The following LIPC variants were observed in gnomAD, a reference collection of about 807,000 sequenced individuals.
LIPC encodes lipase C, hepatic type, also known as hepatic triacylglycerol lipase.
Under a neutral mutation model 50.7 loss-of-function variants are expected in LIPC, and 44 were observed. The observed-to-expected ratio is 0.87, with a 90% CI of 0.68 to 1.11. The LOEUF (loss-of-function observed/expected upper bound fraction) is 1.11. Among genes scored for constraint, LIPC ranks in the 50% most tolerant of loss-of-function variants. LIPC has a pLI of 0.00. For missense variants in LIPC, 697 were observed against 648.2 expected (o/e 1.08, Z -0.82); for synonymous variants, 271 against 256.4 (o/e 1.06, Z -0.54).
chr15:58,514,180 G>A (rs1418523952), intron 1 of LIPC, among the ~76,000 whole-genome samples: 1 of 152,192 alleles, frequency 6.6e-6, no homozygotes, highest in East Asian at 1.9e-4. Flanking sequence ...GGGGATTCCA[G>A]CTCCTCCACT....
chr15:58,531,768 A>C (rs990176713), intron 1 of LIPC, among the ~76,000 whole-genome samples: 1 of 152,206 alleles, frequency 6.6e-6, no homozygotes, highest in Non-Finnish European at 1.5e-5. Flanking sequence ...GAATGCAAAA[A>C]ATGATGGGAA....
chr15:58,530,680 C>G (rs1034255244), intron 1 of LIPC, among the ~76,000 whole-genome samples: 1 of 152,252 alleles, frequency 6.6e-6, no homozygotes, highest in Admixed American at 6.5e-5. Flanking sequence ...ACCCCATTCC[C>G]TGGACCCAGG....
intron 5 of LIPC, 149 bp from the exon 6 acceptor site, chr15:58,548,181 C>A: frequency 1.0e-6 from 1 of 989,422 alleles, no homozygotes; most frequent in Non-Finnish European, 1.6e-6. Flanking sequence ...ACATCCTGCT[C>A]TTGTCAAGGG....
intron 1 of LIPC, among the ~76,000 whole-genome samples, chr15:58,446,764 C>T (rs545963801): frequency 6.6e-6 from 1 of 152,198 alleles, no homozygotes; most frequent in African/African-American, 2.4e-5. Flanking sequence ...AGGACCCACA[C>T]AGGCCTGGCA....
chr15:58,544,550 C>T, intron 4 of LIPC, among the ~76,000 whole-genome samples: 1 of 151,992 alleles, frequency 6.6e-6, no homozygotes, highest in Non-Finnish European at 1.5e-5. Flanking sequence ...TGTCCACCAC[C>T]ACGCCCGGCT....
At chr15:58,514,255 G>T (rs1892418999) in intron 1 of LIPC, among the ~76,000 whole-genome samples, 1 of 152,198 alleles carries the variant, frequency 6.6e-6, no homozygotes, top group South Asian at 2.1e-4. Context: ...TCTGTGGAAG[G>T]TGGATAGCAA....
At chr15:58,453,254 C>A (rs1380275105) in intron 1 of LIPC, among the ~76,000 whole-genome samples, 1 of 152,118 alleles carries the variant, frequency 6.6e-6, no homozygotes, top group African/African-American at 2.4e-5. Context: ...GGATACAGGT[C>A]AGTCTCTCTC....
At chr15:58,562,257 A>G (rs184486038) in intron 7 of LIPC, among the ~76,000 whole-genome samples, 1 of 152,176 alleles carries the variant, frequency 6.6e-6, no homozygotes, top group East Asian at 1.9e-4. Context: ...CAACTGCTCA[A>G]TGTTATGCAC....
At chr15:58,449,585 C>T (rs1393915355) in intron 1 of LIPC, among the ~76,000 whole-genome samples, 1 of 151,544 alleles carries the variant, frequency 6.6e-6, no homozygotes, top group Non-Finnish European at 1.5e-5. Flanking sequence ...CAGAGTCTCA[C>T]TCTGTCAACC....
intron 8 of LIPC, chr15:58,566,491 A>T (rs1279732926): frequency 4.1e-6 from 4 of 982,884 alleles, no homozygotes; most frequent in African/African-American, 1.7e-5. Context: ...CTAATTTTTT[A>T]GTGCCTTTTG....
intron 8 of LIPC, chr15:58,565,964 A>G: frequency 1.0e-6 from 1 of 984,556 alleles, no homozygotes; most frequent in Non-Finnish European, 1.2e-6. Context: ...AATAAACTCC[A>G]GGACCTAACC....
At chr15:58,460,076 G>A (rs565220137) in intron 1 of LIPC, among the ~76,000 whole-genome samples, 3 of 152,212 alleles carry the variant, frequency 2.0e-5, no homozygotes, top group Non-Finnish European at 2.9e-5. Flanking sequence ...CGGTGGTTAC[G>A]TCTGAGCACC....
chr15:58,566,229 C>A, intron 8 of LIPC: 1 of 985,408 alleles, frequency 1.0e-6, no homozygotes, highest in Non-Finnish European at 1.2e-6. Context: ...AAGTTCAGAC[C>A]CGTACACTTG....
chr15:58,527,546 A>G (rs1176322142), intron 1 of LIPC, among the ~76,000 whole-genome samples: 2 of 152,180 alleles, frequency 1.3e-5, no homozygotes, highest in Admixed American at 6.5e-5. Context: ...CCACCCACCA[A>G]TGGAGTTCAT....
At chr15:58,509,532 T>C (rs1892268058) in intron 1 of LIPC, among the ~76,000 whole-genome samples, 2 of 152,236 alleles carry the variant, frequency 1.3e-5, no homozygotes, top group Non-Finnish European at 2.9e-5. Flanking sequence ...GCTAACCTAA[T>C]AGGTGTTCAG....
chr15:58,439,196 C>T (rs17301746), intron 1 of LIPC, among the ~76,000 whole-genome samples: 10,213 of 152,182 alleles, frequency 0.067, 836 homozygotes, highest in East Asian at 0.26. Context: ...TGTGAAAATA[C>T]ATGTGTTTGA....
intron 1 of LIPC, among the ~76,000 whole-genome samples, chr15:58,466,571 A>G (rs1415451278): frequency 6.6e-6 from 1 of 152,244 alleles, no homozygotes; most frequent in East Asian, 1.9e-4. Context: ...CCAAACTAGC[A>G]TCACAGGTAA....
At chr15:58,544,246 A>C (rs1893442619) in intron 4 of LIPC, among the ~76,000 whole-genome samples, 1 of 152,212 alleles carries the variant, frequency 6.6e-6, no homozygotes, top group South Asian at 2.1e-4. Flanking sequence ...CTCTCCATCC[A>C]ACTGGTGCTG....
Position 58,437,728 on chromosome 15 carries a change from A to G in LIPC, c.88+5608A>G, listed in dbSNP as rs972415888. ...CTGAGAGGCCTCCACAGTTACATGG[A>G]ATGTCACCCATGACTAATATTTGAG... is the stretch of plus-strand genomic sequence containing the variant. On this transcript the variant is annotated intron_variant, in intron 1 of 8. Transcript: ENST00000299022. 2.6e-5 allele frequency among the ~76,000 whole-genome samples: 4 copies of G among 152,158 alleles called. No individual in the cohort carries two copies. The South Asian group carries it at 6.2e-4, about 24-fold the overall frequency.
Sources: gnomAD v4.1 joint callset for allele counts (sites outside exome capture counted in the v4.1 genomes callset) on GRCh38, gnomAD v4.1.1 for gene constraint, MANE v1.5 for transcripts, NCBI Gene and HGNC (gene_info 2026-07-23, HGNC 2026-07-21) for gene names.